NGEF: variants seen among roughly 807,000 people sequenced by gnomAD.
The protein encoded by NGEF is ephexin-1.
NGEF carries 31 observed loss-of-function variants against 80.9 expected under a neutral mutation model. The ratio of observed to expected loss-of-function variants is 0.38; its 90% CI spans 0.29 to 0.52. The LOEUF (loss-of-function observed/expected upper bound fraction) is 0.52. NGEF is among the 20% of genes least tolerant of loss of function. NGEF has a pLI of 0.84. For synonymous variants in NGEF, 371 were observed against 370.2 expected (o/e 1.00, Z -0.03); for missense variants, 709 against 926.2 (o/e 0.77, Z 3.04).
intron 1 of NGEF, among the ~76,000 whole-genome samples, chr2:232,992,246 T>C (rs577936566): frequency 6.6e-6 from 1 of 152,196 alleles, no homozygotes; most frequent in Admixed American, 6.6e-5. Flanking sequence ...CTTTTATGCT[T>C]CCAAGTGCAC....
intron 2 of NGEF, among the ~76,000 whole-genome samples, chr2:232,971,493 T>C (rs925923015): frequency 6.6e-6 from 1 of 152,166 alleles, no homozygotes; most frequent in Non-Finnish European, 1.5e-5. Context: ...GAAACCAGCC[T>C]GGCCAACATG....
intron 5 of NGEF, among the ~76,000 whole-genome samples, chr2:232,906,958 T>C (rs573422205): frequency 1.0e-4 from 15 of 150,730 alleles, no homozygotes; most frequent in African/African-American, 3.4e-4. Context: ...CAAGATGTGC[T>C]TTGTTAAACA....
Position 232,888,083 on chromosome 2 carries a change from TC to T in NGEF, c.1296del (p.Arg433GlyfsTer19). 3.7e-6 allele frequency: 6 copies of T among 1,611,420 alleles called. No individual in the cohort carries two copies. The highest frequency in any genetic ancestry group is 5.1e-6 in the Non-Finnish European group (6 of 1,179,232). ...AAAGCAGTGCACTCCCGCTCAGACC[TC>T]TCTTCTACCCTCTTCAGGATGTTCT... ...LVQNILKRVEERSERECTALD... is the reference protein window; with the variant it reads ...LVQNILKRVEXRSERECTALD... On this transcript the variant is annotated frameshift_variant, in exon 9 of 15. Coordinates refer to ENST00000264051, the MANE Select transcript of NGEF (RefSeq NM_019850.3). LOFTEE classifies it high-confidence loss of function.
Position 232,974,807 on chromosome 2 carries a change from G to A in NGEF, c.84C>T (p.Ala28=), listed in dbSNP as rs370055982. Reference sequence around the variant, plus strand: ...CTGGGAGTAACTCAGGTTTCACCTTGGCTGGTTCATTATCAGTGTTCCATT... The same window carrying A: ...CTGGGAGTAACTCAGGTTTCACCTTAGCTGGTTCATTATCAGTGTTCCATT... ...SDQWNTDNEP[A]KVKPELLPEK... is the part of the protein sequence containing the mutation. The change falls in exon 2 of 15, where the codon GCC becomes GCT. Residue 28 remains alanine, a synonymous_variant. Coordinates refer to ENST00000264051, the MANE Select transcript of NGEF (RefSeq NM_019850.3). 46 of 1,614,094 alleles carry A rather than the reference G, an allele frequency of 2.8e-5. No individual in the cohort carries two copies. The highest frequency in any genetic ancestry group is 3.9e-5 in the Non-Finnish European group (46 of 1,180,038).
chr2:232,897,236 A>T (rs1249831889), intron 5 of NGEF, among the ~76,000 whole-genome samples: 2 of 151,788 alleles, frequency 1.3e-5, no homozygotes, highest in Admixed American at 6.6e-5. Flanking sequence ...GCCCTGACCC[A>T]GGGCCCAGGG....
At chr2:232,935,081 A>T in intron 3 of NGEF, among the ~76,000 whole-genome samples, 1 of 152,182 alleles carries the variant, frequency 6.6e-6, no homozygotes, top group East Asian at 1.9e-4. Context: ...GTATTTAGTT[A>T]TTTTAGGTAT....
rs568772172 is a variant in NGEF at position 233,005,940 on chromosome 2, C to T, written c.-75+7128G>A. ...CAAGCGATTCTCCTGCCTCAGCCTCCCAAGTAGCTGGAATTACAGGCACCT... is the reference window on the plus strand; with the variant it reads ...CAAGCGATTCTCCTGCCTCAGCCTCTCAAGTAGCTGGAATTACAGGCACCT... On this transcript the variant is annotated intron_variant, in intron 1 of 14. Transcript: ENST00000264051. Among the ~76,000 whole-genome samples the T allele has an allele frequency of 2.6e-5, 4 of 152,306 alleles. No homozygotes were observed. In the East Asian group the frequency reaches 7.7e-4, roughly 29 times the overall value.
intron 1 of NGEF, among the ~76,000 whole-genome samples, chr2:232,993,012 C>A (rs1221079518): frequency 6.9e-6 from 1 of 144,110 alleles, no homozygotes; most frequent in Non-Finnish European, 1.5e-5. Context: ...TATACACACA[C>A]ACACACACGC....
chr2:232,980,617 G>A (rs1220830456), intron 1 of NGEF, among the ~76,000 whole-genome samples: 1 of 152,032 alleles, frequency 6.6e-6, no homozygotes, highest in Non-Finnish European at 1.5e-5. Context: ...TTCTGCCTCA[G>A]TTTCCCAAGT....
chr2:232,946,519 T>C (rs1693561263), intron 3 of NGEF, among the ~76,000 whole-genome samples: 1 of 152,238 alleles, frequency 6.6e-6, no homozygotes, highest in Admixed American at 6.5e-5. Context: ...GGTATTCATG[T>C]GAACTCACAC....
intron 1 of NGEF, 126 bp from the exon 2 acceptor site, chr2:232,975,090 G>A (rs531165837): frequency 1.2e-5 from 7 of 574,092 alleles, no homozygotes; most frequent in East Asian, 1.2e-4. Flanking sequence ...TGGTATCCAC[G>A]TCTTCGCCAC....
chr2:232,901,851 C>T (rs1009763536), intron 5 of NGEF, among the ~76,000 whole-genome samples: 4 of 152,354 alleles, frequency 2.6e-5, no homozygotes, highest in South Asian at 4.1e-4. Flanking sequence ...GCTGTGGGGA[C>T]GTCGCCGTGA....
intron 3 of NGEF, among the ~76,000 whole-genome samples, chr2:232,969,300 G>A (rs559714998): frequency 6.6e-6 from 1 of 151,856 alleles, no homozygotes; most frequent in South Asian, 2.1e-4. Flanking sequence ...TTTTTTAATG[G>A]GGTCTTGCTA....
chr2:233,002,795 C>G (rs1293127459), intron 1 of NGEF, among the ~76,000 whole-genome samples: 2 of 152,200 alleles, frequency 1.3e-5, no homozygotes, highest in Non-Finnish European at 2.9e-5. Context: ...CTTCCCTCCT[C>G]TCTTCATGTC....
intron 1 of NGEF, among the ~76,000 whole-genome samples, chr2:232,990,499 T>C (rs2106333582): frequency 6.6e-6 from 1 of 152,204 alleles, no homozygotes; most frequent in East Asian, 1.9e-4. Context: ...CTGATCAGAC[T>C]GTTTTGACAA....
chr2:232,907,076 G>C (rs1233559137), intron 5 of NGEF, among the ~76,000 whole-genome samples: 1 of 146,668 alleles, frequency 6.8e-6, no homozygotes, highest in Non-Finnish European at 1.5e-5. Context: ...TTGTTCACTT[G>C]TTTGTCTGCT....
chr2:232,994,628 C>A (rs954691050), intron 1 of NGEF, among the ~76,000 whole-genome samples: 5 of 152,104 alleles, frequency 3.3e-5, no homozygotes, highest in African/African-American at 1.2e-4. Context: ...GCCAGCCAGG[C>A]ATGGCTTGTC....
chr2:232,976,710 A>G (rs903763563), intron 1 of NGEF, among the ~76,000 whole-genome samples: 31 of 152,214 alleles, frequency 2.0e-4, no homozygotes, highest in African/African-American at 7.0e-4. Context: ...AGAAATGAGC[A>G]TTAACGTACT....
intron 3 of NGEF, among the ~76,000 whole-genome samples, chr2:232,929,399 T>A (rs190939702): frequency 1.3e-5 from 2 of 152,170 alleles, no homozygotes; most frequent in African/African-American, 4.8e-5. Context: ...GGAAGGGAGC[T>A]CTCCTCCCCA....
Sources: gnomAD v4.1 joint callset for allele counts (sites outside exome capture counted in the v4.1 genomes callset) on GRCh38, gnomAD v4.1.1 for gene constraint, MANE v1.5 for transcripts, NCBI Gene and HGNC (gene_info 2026-07-23, HGNC 2026-07-21) for gene names.